Variants in POLN observed in about 807,000 individuals in gnomAD.
POLN encodes the protein DNA polymerase nu, also known as DNA polymerase N.
A neutral mutation model predicts 113.5 loss-of-function variants in POLN; 108 were observed. The ratio of observed to expected loss-of-function variants is 0.95; its 90% confidence interval spans 0.81 to 1.12. The LOEUF (loss-of-function observed/expected upper bound fraction) is 1.12. Among genes scored for constraint, POLN ranks in the 50% most tolerant of loss-of-function variants. POLN has a pLI of 0.00. For synonymous variants in POLN, 386 were observed against 391.5 expected, an observed-to-expected ratio of 0.99 and a Z score of 0.17; for missense variants, 1,097 against 1,077.1, an observed-to-expected ratio of 1.02 and a Z score of -0.26.
chr4:2,205,810 G>C (rs1733827653), intron 5 of POLN, among the ~76,000 whole-genome samples: 1 of 151,570 alleles, frequency 6.6e-6, no homozygotes, highest in South Asian at 2.1e-4. Context: ...AGGAGGCAGA[G>C]GTTGCAGTGA....
At chr4:2,133,138 T>C (rs983857362) in intron 16 of POLN, among the ~76,000 whole-genome samples, 7 of 43,642 alleles carry the variant, frequency 1.6e-4, no homozygotes, top group Non-Finnish European at 3.3e-4. Flanking sequence ...ATGGCTATTA[T>C]AAAAAATGGC....
rs1381238123 is a variant in POLN at position 2,207,974 on chromosome 4, A to G, written c.714+13T>C. 3 of 1,567,566 alleles carry G rather than the reference A, an allele frequency of 1.9e-6. No homozygotes were observed. The East Asian group carries it at 6.8e-5, about 35-fold the overall frequency. ...TGTCAAGACAGCAAATAAAAACATC[A>G]CTGTTTACTAACCTGGTCAGCTCCT... On this transcript the variant is annotated intron_variant, in intron 5 of 25. Transcript: ENST00000511885.
rs530169483 is a variant in POLN, at chr4:2,242,078, G to A, written c.-311C>T. The A allele has an allele frequency of 2.1e-4, 204 of 985,798 alleles. No individual in the cohort carries two copies. The highest frequency in any genetic ancestry group is 4.9e-4 in the Admixed American group (8 of 16,296). The allele number at this position is 985,798 out of a possible 1,614,324, so 61.1% of individuals were successfully genotyped here. A position where few individuals can be genotyped will look rare whatever the true frequency, so the allele number is the denominator to read the frequency against. On this transcript the variant is annotated 5_prime_UTR_variant, in exon 1 of 26. Coordinates refer to ENST00000511885, the MANE Select transcript of POLN (RefSeq NM_181808.4). ...CAGGAAGTTCCGCTTGCTTCTCGCA[G>A]GAGCCCGCCGCCACCGCCCTCCGTG...
At chr4:2,154,434 T>TAGA (rs1561046865) in intron 16 of POLN, among the ~76,000 whole-genome samples, 9 of 151,900 alleles carry the variant, frequency 5.9e-5, no homozygotes, top group Non-Finnish European at 1.3e-4. Flanking sequence ...TTTCATGTAG[T>TAGA]CAACCTCAAC....
chr4:2,236,728 C>T (rs1470587555), intron 2 of POLN, among the ~76,000 whole-genome samples: 2 of 151,770 alleles, frequency 1.3e-5, no homozygotes, highest in Non-Finnish European at 2.9e-5. Context: ...CCGGGCATGG[C>T]GGCATGCACC....
intron 7 of POLN, among the ~76,000 whole-genome samples, chr4:2,186,458 C>T (rs1733275496): frequency 2.0e-5 from 3 of 152,148 alleles, no homozygotes; most frequent in South Asian, 4.1e-4. Context: ...TCCCATACTG[C>T]GAGGTATTCC....
At chr4:2,156,966 CA>C in intron 15 of POLN, 113 bp from the exon 16 acceptor site, 1 of 848,124 alleles carries the variant, frequency 1.2e-6, no homozygotes, top group Non-Finnish European at 1.9e-6. Flanking sequence ...CAGAGGCCAA[CA>C]AGCTGCTGGC....
At chr4:2,166,905 A>G (rs1732742872) in intron 13 of POLN, among the ~76,000 whole-genome samples, 1 of 152,122 alleles carries the variant, frequency 6.6e-6, no homozygotes, top group Admixed American at 6.5e-5. Context: ...TGCGTGAACC[A>G]ATGTCCCTAA....
intron 3 of POLN, among the ~76,000 whole-genome samples, chr4:2,215,143 A>C (rs1006902649): frequency 6.6e-6 from 1 of 152,144 alleles, no homozygotes; most frequent in Non-Finnish European, 1.5e-5. Flanking sequence ...TAAAGTAGAT[A>C]CCAATCAGAA....
chr4:2,225,678 T>A (rs1290267335), intron 3 of POLN, among the ~76,000 whole-genome samples: 1 of 150,792 alleles, frequency 6.6e-6, no homozygotes. Context: ...CCCAAAAATG[T>A]TGTGGAAAAA....
intron 2 of POLN, among the ~76,000 whole-genome samples, chr4:2,236,021 T>C (rs1734752204): frequency 6.6e-6 from 1 of 152,212 alleles, no homozygotes; most frequent in Non-Finnish European, 1.5e-5. Context: ...AAAAATTATA[T>C]ACATTTTTAA....
intron 10 of POLN, among the ~76,000 whole-genome samples, chr4:2,174,405 C>T (rs947811552): frequency 6.6e-6 from 1 of 152,220 alleles, no homozygotes; most frequent in Non-Finnish European, 1.5e-5. Context: ...GAATGAGAGA[C>T]AACCACTAAC....
At chr4:2,114,515 A>G (rs959416749) in intron 19 of POLN, among the ~76,000 whole-genome samples, 2 of 152,206 alleles carry the variant, frequency 1.3e-5, no homozygotes, top group Non-Finnish European at 2.9e-5. Context: ...AGAGTTCTAT[A>G]TTCTACATTC....
chr4:2,217,683 T>C (rs1356843935), intron 3 of POLN, among the ~76,000 whole-genome samples: 2 of 152,254 alleles, frequency 1.3e-5, no homozygotes, highest in African/African-American at 2.4e-5. Flanking sequence ...TCCAGAGTTC[T>C]AGGAGTCTGC....
At chr4:2,097,249 C>G (rs1730817100) in intron 19 of POLN, among the ~76,000 whole-genome samples, 1 of 152,176 alleles carries the variant, frequency 6.6e-6, no homozygotes, top group African/African-American at 2.4e-5. Flanking sequence ...AAGGTGTGCT[C>G]TGCCTCCAGA....
intron 5 of POLN, among the ~76,000 whole-genome samples, chr4:2,202,045 C>G (rs1005020756): frequency 2.6e-5 from 4 of 152,050 alleles, no homozygotes; most frequent in African/African-American, 9.7e-5. Flanking sequence ...GAAACAAATC[C>G]TGGAAACACA....
At chr4:2,204,713 CCAA>C (rs1247318940) in intron 5 of POLN, among the ~76,000 whole-genome samples, 3 of 152,156 alleles carry the variant, frequency 2.0e-5, no homozygotes, top group Admixed American at 2.0e-4. Flanking sequence ...CTAACCAAAT[CCAA>C]CAACACATCA....
chr4:2,208,440 C>A lies in POLN; in HGVS notation c.261G>T (p.Leu87=), dbSNP rs771327508. 5.7e-6 allele frequency: 9 copies of A among 1,579,954 alleles called. No homozygotes were observed. Among genetic ancestry groups the A allele is most frequent in the Non-Finnish European group, 6.8e-6 (8 of 1,169,470 alleles). ...RSQTSRGSAK[L]SPQSFSVRLT... ...GCCTGACACTGAAGGACTGAGGAGA[C>A]AGCTTGGCAGAACCTCTTGATGTCT... The change falls in exon 5 of 26, where the codon CTG becomes CTT. Residue 87 remains leucine (L), a synonymous_variant. Coordinates refer to ENST00000511885, the MANE Select transcript of POLN (RefSeq NM_181808.4).
At chr4:2,147,390 C>A (rs140962976) in intron 16 of POLN, among the ~76,000 whole-genome samples, 3 of 152,216 alleles carry the variant, frequency 2.0e-5, no homozygotes, top group Admixed American at 1.3e-4. Context: ...AATGACAGTT[C>A]TAAGAGGGGC....
Sources: allele counts gnomAD v4.1 joint callset (sites outside exome capture counted in the v4.1 genomes callset), GRCh38; gene constraint gnomAD v4.1.1; transcripts MANE v1.5; gene names NCBI Gene and HGNC (gene_info 2026-07-23, HGNC 2026-07-21).